The following ARHGEF18 variants were observed in gnomAD, a reference collection of about 807,000 sequenced individuals.
ARHGEF18 encodes rho guanine nucleotide exchange factor 18.
Under a neutral mutation model 155.7 loss-of-function variants are expected in ARHGEF18, and 93 were observed. The observed-to-expected ratio is 0.60, with a 90% confidence interval of 0.50 to 0.71. The LOEUF is 0.71. ARHGEF18 is among the 30% of genes least tolerant of loss of function. ARHGEF18 has a pLI of 0.00. For missense variants in ARHGEF18, 1,593 were observed against 1,816.1 expected, an observed-to-expected ratio of 0.88 and a Z score of 2.23; for synonymous variants, 742 against 753.1, an observed-to-expected ratio of 0.99 and a Z score of 0.24.
In ARHGEF18 at chr19:7,462,117, C is replaced by G; in HGVS notation, c.2453-35C>G. ...CTCAGATGATTCCAGGGAAGGCCGACCCGGCTGACTGCCACCTCCACCATC... is the reference window on the plus strand; with the variant it reads ...CTCAGATGATTCCAGGGAAGGCCGAGCCGGCTGACTGCCACCTCCACCATC... On this transcript the variant is annotated intron_variant, in intron 20 of 28. Coordinates refer to ENST00000668164, the MANE Select transcript of ARHGEF18 (RefSeq NM_001367823.1). This position sits in a 1 kb window ranked among gnomAD's most constrained non-coding sequence, Gnocchi z 4.4. The G allele has an allele frequency of 6.2e-7, 1 of 1,613,154 alleles. No individual in the cohort carries two copies. The highest frequency in any genetic ancestry group is 1.1e-5 in the South Asian group (1 of 91,058).
intron 18 of ARHGEF18, among the ~76,000 whole-genome samples, chr19:7,456,716 G>A (rs1975851288): frequency 6.6e-6 from 1 of 152,052 alleles, no homozygotes; most frequent in Admixed American, 6.6e-5. Context: ...TCTCCCGCCT[G>A]GGCAACAGAG....
intron 10 of ARHGEF18, among the ~76,000 whole-genome samples, chr19:7,392,240 C>CAAAAA (rs3997574): frequency 4.2e-5 from 3 of 72,050 alleles, no homozygotes; most frequent in Non-Finnish European, 8.6e-5. Flanking sequence ...GACTCCGTCT[C>CAAAAA]AAAAAAAAAA....
At chr19:7,425,201 CT>C (rs1405539165) in intron 10 of ARHGEF18, among the ~76,000 whole-genome samples, 2 of 151,082 alleles carry the variant, frequency 1.3e-5, no homozygotes, top group Non-Finnish European at 3.0e-5. Context: ...TTGTTCCGCC[CT>C]TTTTTTTTCT....
At chr19:7,410,107 G>A (rs1972588531) in intron 10 of ARHGEF18, among the ~76,000 whole-genome samples, 1 of 151,942 alleles carries the variant, frequency 6.6e-6, no homozygotes, top group African/African-American at 2.4e-5. Context: ...TTTTTCTAAG[G>A]TTCACCAGCC....
In ARHGEF18 at chr19:7,463,632, C is replaced by T. The variant is rs1455029015; in HGVS notation, c.2636-186C>T. ...ACGCAGATTGGCCTGTCCTGGTGGCCATACCTGAAGTAAGGGTGTGCGCAG... is the reference window on the plus strand; with the variant it reads ...ACGCAGATTGGCCTGTCCTGGTGGCTATACCTGAAGTAAGGGTGTGCGCAG... On this transcript the variant is annotated intron_variant, in intron 21 of 28. Transcript: ENST00000668164. The surrounding 1 kb of genome is among the most constrained non-coding windows in gnomAD (Gnocchi z 5.2). Among the ~76,000 whole-genome samples, 1 of 152,174 alleles carries T rather than the reference C, an allele frequency of 6.6e-6. No homozygotes were observed. The highest frequency in any genetic ancestry group is 2.4e-5 in the African/African-American group (1 of 41,432).
Position 7,375,374 on chromosome 19 carries a change from G to A in ARHGEF18, c.276-346G>A, listed in dbSNP as rs1462813183. Among the ~76,000 whole-genome samples, 1,216 of 141,176 alleles carry A rather than the reference G, an allele frequency of 8.6e-3. 25 individuals carry two copies. The highest frequency in any genetic ancestry group is 0.03 in the African/African-American group (1,113 of 37,490). The allele number at this position is 141,176 out of a possible 152,430, so 92.6% of individuals were successfully genotyped here. A position where few individuals can be genotyped will look rare whatever the true frequency, so the allele number is the denominator to read the frequency against. On this transcript the variant is annotated intron_variant, in intron 3 of 28. Transcript: ENST00000668164. ...AAAGAAAAGGAAGGAAGGAAGGAAG[G>A]AAGAAAGAAAAGGAAGGAAGGAAGA...
At chr19:7,451,858 A>G (rs565818910) in intron 16 of ARHGEF18, among the ~76,000 whole-genome samples, 4 of 152,086 alleles carry the variant, frequency 2.6e-5, no homozygotes, top group African/African-American at 7.2e-5. Flanking sequence ...AGTAGCTAGG[A>G]CTACAGGCGC....
chr19:7,349,657 AATCTC>A (rs1243229242), intron 1 of ARHGEF18, among the ~76,000 whole-genome samples: 1 of 152,114 alleles, frequency 6.6e-6, no homozygotes, highest in African/African-American at 2.4e-5. Context: ...GGGCAGCTGT[AATCTC>A]AGCTACTCGG....
At chr19:7,456,895 T>C (rs1178936470) in intron 18 of ARHGEF18, among the ~76,000 whole-genome samples, 1 of 151,912 alleles carries the variant, frequency 6.6e-6, no homozygotes, top group Non-Finnish European at 1.5e-5. Flanking sequence ...CCACCACGCC[T>C]GGCTAATTTT....
At chr19:7,434,156 T>TA (rs1568330453) in intron 10 of ARHGEF18, among the ~76,000 whole-genome samples, 1 of 151,990 alleles carries the variant, frequency 6.6e-6, no homozygotes, top group East Asian at 1.9e-4. Flanking sequence ...TAGTGTTTTT[T>TA]AAAAAAACAA....
downstream of ARHGEF18, among the ~76,000 whole-genome samples, chr19:7,474,912 G>C (rs1977187492): frequency 1.3e-5 from 2 of 152,002 alleles, no homozygotes; most frequent in South Asian, 4.2e-4. Flanking sequence ...GGGCTTGGAG[G>C]CACCCTAAAA....
chr19:7,419,300 G>A (rs1259368223), intron 10 of ARHGEF18, among the ~76,000 whole-genome samples: 1 of 125,682 alleles, frequency 8.0e-6, no homozygotes, highest in Admixed American at 7.2e-5. Flanking sequence ...GCACCTGGGT[G>A]TGCCCACACT....
Position 7,463,880 on chromosome 19 carries a change from G to A in ARHGEF18, c.2698G>A (p.Gly900Arg), listed in dbSNP as rs766243717. 3.4e-5 allele frequency: 54 copies of A among 1,602,246 alleles called. No homozygotes were observed. The highest frequency in any genetic ancestry group is 1.6e-4 in the Middle Eastern group (1 of 6,064). ...LGSANGQAED[G>R]GSSTGPPRRA... ...CAGCGCCAACGGCCAGGCGGAAGAC[G>A]GAGGCAGCTCCACAGGCCCGCCCAG... The change falls in exon 22 of 29, where the codon GGA (glycine) becomes AGA (arginine). Residue 900 changes from glycine to arginine, a missense_variant. Physicochemically the swap from Gly to Arg is moderately radical, Grantham distance 125. Transcript: ENST00000668164. The surrounding 1 kb of genome is among the most constrained non-coding windows in gnomAD (Gnocchi z 5.2).
In ARHGEF18 at chr19:7,462,618, G is replaced by A. The variant is rs1319230761; in HGVS notation, c.2635+284G>A. On this transcript the variant is annotated intron_variant, in intron 21 of 28. Transcript: ENST00000668164. This position sits in a 1 kb window ranked among gnomAD's most constrained non-coding sequence, Gnocchi z 4.4. ...TCCCTGCATGCAGAGGCTCTAAGCC[G>A]GGCCGTGGGGAGGATCTGAAGTTGA... 3.4e-5 allele frequency among the ~76,000 whole-genome samples: 5 copies of A among 148,146 alleles called. 1 individual carries two copies. The highest frequency in any genetic ancestry group is 4.1e-4 in the South Asian group (2 of 4,826).
intron 10 of ARHGEF18, among the ~76,000 whole-genome samples, chr19:7,384,933 G>A (rs1363485020): frequency 6.6e-6 from 1 of 152,062 alleles, no homozygotes; most frequent in Admixed American, 6.6e-5. Context: ...GGACTCAAGC[G>A]ATCCTCCCGC....
intron 1 of ARHGEF18, among the ~76,000 whole-genome samples, chr19:7,359,194 G>T (rs1383721387): frequency 2.0e-5 from 3 of 152,142 alleles, no homozygotes; most frequent in African/African-American, 7.2e-5. Flanking sequence ...GGAGTCTATA[G>T]GGGTGGGGAT....
chr19:7,387,377 C>T (rs1971142882), intron 10 of ARHGEF18, among the ~76,000 whole-genome samples: 1 of 151,980 alleles, frequency 6.6e-6, no homozygotes, highest in Non-Finnish European at 1.5e-5. Flanking sequence ...TAATCTCGAT[C>T]TCCTGACCTC....
chr19:7,467,033 C>A, intron 24 of ARHGEF18, 38 bp from the exon 25 acceptor site: 1 of 1,611,120 alleles, frequency 6.2e-7, no homozygotes, highest in Non-Finnish European at 8.5e-7. Flanking sequence ...GTGGCCTCAG[C>A]CCGATAACTA....
chr19:7,375,771 A>G lies in ARHGEF18; in HGVS notation c.327A>G (p.Thr109=), dbSNP rs2145416404. ...ATGAGGAACCCTGTCTCCCCCGAAC[A>G]CTGGCCAGCCTTGCTTTGAACCTGC... ...AVDEEPCLPR[T]LASLALNLPG... The change falls in exon 4 of 29, where the codon ACA becomes ACG. Residue 109 remains threonine, a synonymous_variant. Transcript: ENST00000668164. The G allele has an allele frequency of 1.6e-6, 2 of 1,234,512 alleles. No individual in the cohort carries two copies. Among genetic ancestry groups the G allele is most frequent in the Middle Eastern group, 4.1e-4 (2 of 4,840 alleles). 76.5% of individuals were successfully genotyped at this position (1,234,512 alleles called of 1,614,324 possible).
Sources: gnomAD v4.1 joint callset for allele counts (sites outside exome capture counted in the v4.1 genomes callset) on GRCh38, gnomAD v4.1.1 for gene constraint, Gnocchi (gnomAD v3.1) non-coding constraint, MANE v1.5 for transcripts, NCBI Gene and HGNC (gene_info 2026-07-23, HGNC 2026-07-21) for gene names.